Variants in SDK1 observed in about 807,000 individuals in gnomAD.
SDK1 encodes the protein sidekick cell adhesion molecule 1, also known as protein sidekick-1.
In SDK1, 157 loss-of-function variants were observed where a neutral mutation model predicts 245.5. The observed-to-expected ratio is 0.64, with a 90% CI of 0.56 to 0.73. The LOEUF (loss-of-function observed/expected upper bound fraction) is 0.73, where lower values mean the gene tolerates loss of function less well. Ranked by LOEUF, SDK1 falls within the 30% of genes least tolerant of loss-of-function variation. The pLI, the probability that SDK1 is intolerant of heterozygous loss-of-function variation, is 0.00. For synonymous variants in SDK1, 1,647 were observed against 1,278.5 expected (o/e 1.29, Z -6.15); for missense variants, 3,583 against 3,002.3 (o/e 1.19, Z -4.52).
chr7:3,593,685 CTCCCT>C (rs1426750574), intron 1 of SDK1, among the ~76,000 whole-genome samples: 2 of 152,132 alleles, frequency 1.3e-5, no homozygotes, highest in African/African-American at 4.8e-5. Flanking sequence ...CCCCTCCAAT[CTCCCT>C]TCCCTTCCTC....
intron 1 of SDK1, among the ~76,000 whole-genome samples, chr7:3,583,165 A>G (rs923653193): frequency 3.9e-5 from 6 of 152,318 alleles, no homozygotes; most frequent in African/African-American, 1.4e-4. Context: ...TAGGCCATGC[A>G]GCAGCTCGAC....
At chr7:3,805,417 G>T (rs979749465) in intron 4 of SDK1, among the ~76,000 whole-genome samples, 1 of 152,208 alleles carries the variant, frequency 6.6e-6, no homozygotes, top group Non-Finnish European at 1.5e-5. Flanking sequence ...GCCTCTTCAG[G>T]TTGATTCTTG....
Position 3,343,138 on chromosome 7 carries a change from A to G in SDK1, c.298+41254A>G, listed in dbSNP as rs369989655. Among the ~76,000 whole-genome samples, 16 of 152,324 alleles carry G rather than the reference A, an allele frequency of 1.1e-4. 1 individual carries two copies. Among genetic ancestry groups the G allele is most frequent in the Middle Eastern group, 3.4e-3 (1 of 294 alleles). ...TTCTTATAAAACTAAACGTAGAACT[A>G]TGATACAACTTGGCAAGTGTACTCT... is the stretch of plus-strand genomic sequence containing the variant. On this transcript the variant is annotated intron_variant, in intron 1 of 44. Transcript: ENST00000404826.
chr7:3,734,060 A>T (rs1181678664), intron 4 of SDK1, among the ~76,000 whole-genome samples: 7 of 152,212 alleles, frequency 4.6e-5, no homozygotes, highest in Non-Finnish European at 7.3e-5. Flanking sequence ...CTGGACCCAC[A>T]GCTCCTTTCC....
intron 1 of SDK1, among the ~76,000 whole-genome samples, chr7:3,382,460 G>C (rs1403751400): frequency 6.6e-6 from 1 of 152,076 alleles, no homozygotes; most frequent in Non-Finnish European, 1.5e-5. Flanking sequence ...TAAAACATCG[G>C]CATTTTTATA....
At chr7:3,572,371 C>G (rs1054619690) in intron 1 of SDK1, among the ~76,000 whole-genome samples, 4 of 152,002 alleles carry the variant, frequency 2.6e-5, no homozygotes, top group Non-Finnish European at 5.9e-5. Context: ...TCAGGATCAT[C>G]CAGCCCCTCA....
chr7:3,308,574 A>G (rs1207173121), intron 1 of SDK1, among the ~76,000 whole-genome samples: 1 of 152,102 alleles, frequency 6.6e-6, no homozygotes, highest in Non-Finnish European at 1.5e-5. Context: ...TCTATTTCTG[A>G]TTTTTGGAGA....
chr7:3,475,422 C>T (rs1261375095), intron 1 of SDK1, among the ~76,000 whole-genome samples: 1 of 152,232 alleles, frequency 6.6e-6, no homozygotes, highest in East Asian at 1.9e-4. Context: ...TCCTCCAGAG[C>T]AGCGTTTCCA....
At chr7:3,368,857 G>C (rs1454784030) in intron 1 of SDK1, among the ~76,000 whole-genome samples, 2 of 152,036 alleles carry the variant, frequency 1.3e-5, no homozygotes, top group African/African-American at 4.8e-5. Context: ...CATTTGATTG[G>C]TATTAAATAA....
chr7:3,584,239 G>C (rs180972534), intron 1 of SDK1, among the ~76,000 whole-genome samples: 3 of 152,106 alleles, frequency 2.0e-5, no homozygotes, highest in Admixed American at 2.0e-4. Context: ...GGGATATGTT[G>C]TGTCATCTCC....
chr7:4,061,553 C>T (rs1324023428), intron 19 of SDK1, among the ~76,000 whole-genome samples: 1 of 152,034 alleles, frequency 6.6e-6, no homozygotes, highest in African/African-American at 2.4e-5. Context: ...ACTAGTTCAA[C>T]CATTGTGGAA....
At chr7:3,378,998 C>T (rs939632902) in intron 1 of SDK1, among the ~76,000 whole-genome samples, 5 of 152,104 alleles carry the variant, frequency 3.3e-5, no homozygotes, top group East Asian at 1.9e-4. Context: ...TCCAGCTTCT[C>T]GTTAATTACT....
In SDK1 at chr7:3,578,928, A is replaced by T. The variant is rs757178463; in HGVS notation, c.299-40152A>T. Among the ~76,000 whole-genome samples the T allele has an allele frequency of 3.0e-4, 46 of 151,964 alleles. 1 individual carries two copies. Among genetic ancestry groups the T allele is most frequent in the Admixed American group, 9.8e-4 (15 of 15,260 alleles). ...CTGAGGTGACATACATCCTCAGTTTATGAAAATAACAGGATTAAGAGATTA... is the reference window on the plus strand; with the variant it reads ...CTGAGGTGACATACATCCTCAGTTTTTGAAAATAACAGGATTAAGAGATTA... On this transcript the variant is annotated intron_variant, in intron 1 of 44. Transcript: ENST00000404826.
intron 28 of SDK1, among the ~76,000 whole-genome samples, chr7:4,141,946 G>A (rs141067063): frequency 0.026 from 3,966 of 152,082 alleles, 79 homozygotes; most frequent in Middle Eastern, 0.048. Context: ...TAGTAGAGGC[G>A]GGGTTTCACC....
intron 35 of SDK1, among the ~76,000 whole-genome samples, chr7:4,191,449 A>C (rs1783203469): frequency 6.6e-6 from 1 of 151,880 alleles, no homozygotes; most frequent in Non-Finnish European, 1.5e-5. Context: ...AGGCTCCCTC[A>C]CCTCTCACCA....
At chr7:3,471,012 A>G (rs998229340) in intron 1 of SDK1, among the ~76,000 whole-genome samples, 1 of 152,162 alleles carries the variant, frequency 6.6e-6, no homozygotes, top group Non-Finnish European at 1.5e-5. Flanking sequence ...ACCCCAAATT[A>G]GTTTCTGAGT....
chr7:3,783,442 C>G (rs1780808271), intron 4 of SDK1, among the ~76,000 whole-genome samples: 1 of 150,702 alleles, frequency 6.6e-6, no homozygotes, highest in African/African-American at 2.5e-5. Context: ...ATAACATGAT[C>G]TTATATATAT....
In SDK1 at chr7:3,761,114, A is replaced by C. The variant is rs936566693; in HGVS notation, c.714-60336A>C. Among the ~76,000 whole-genome samples the C allele has an allele frequency of 8.5e-5, 13 of 152,140 alleles. 1 individual carries two copies. Among genetic ancestry groups the C allele is most frequent in the Admixed American group, 8.5e-4 (13 of 15,284 alleles). ...AATTTTTATGTAAAGATTTGTAAATATTTTGTGAATCTGTAACAGAATGAG... is the reference window on the plus strand; with the variant it reads ...AATTTTTATGTAAAGATTTGTAAATCTTTTGTGAATCTGTAACAGAATGAG... On this transcript the variant is annotated intron_variant, in intron 4 of 44. Coordinates refer to ENST00000404826, the MANE Select transcript of SDK1 (RefSeq NM_152744.4).
rs1193797462 is a variant in SDK1 at position 3,582,526 on chromosome 7, T to TGTGGAGG, written c.299-36542_299-36536dup. ...CTCTCAAGTAGGCCCCAGTGTCTGCTGTGGAGGGTGGAGGGTGGGAGGAGG... is the reference window on the plus strand; with the variant it reads ...CTCTCAAGTAGGCCCCAGTGTCTGCTGTGGAGGGTGGAGGGTGGAGGGTGGGAGGAGG... On this transcript the variant is annotated intron_variant, in intron 1 of 44. Coordinates refer to ENST00000404826, the MANE Select transcript of SDK1 (RefSeq NM_152744.4). Among the ~76,000 whole-genome samples the TGTGGAGG allele has an allele frequency of 2.6e-3, 398 of 152,008 alleles. 3 individuals carry two copies. Among genetic ancestry groups the TGTGGAGG allele is most frequent in the African/African-American group, 9.3e-3 (385 of 41,410 alleles).
Sources: allele counts gnomAD v4.1 joint callset (sites outside exome capture counted in the v4.1 genomes callset), GRCh38; gene constraint gnomAD v4.1.1; transcripts MANE v1.5; gene names NCBI Gene and HGNC (gene_info 2026-07-23, HGNC 2026-07-21).